Variants in VRK2 observed in about 807,000 individuals in gnomAD.
The protein encoded by VRK2 is VRK serine/threonine kinase 2, also known as serine/threonine-protein kinase VRK2.
In VRK2, 60 loss-of-function variants were observed where a neutral mutation model predicts 57.6. That is an observed-to-expected ratio of 1.04 (90% confidence interval 0.85 to 1.29). VRK2 has a LOEUF of 1.29. Ranked by LOEUF, VRK2 falls within the 50% of genes most tolerant of loss-of-function variation. The pLI is 0.00. For missense variants in VRK2, 705 were observed against 588.1 expected (o/e 1.20, Z -2.06); for synonymous variants, 231 against 199.2 (o/e 1.16, Z -1.35).
intron 2 of VRK2, among the ~76,000 whole-genome samples, chr2:58,067,302 C>T (rs1174447361): frequency 1.3e-5 from 2 of 152,092 alleles, no homozygotes; most frequent in African/African-American, 4.8e-5. Flanking sequence ...GAGACTTCAC[C>T]TTGTGATCAT....
chr2:58,011,668 T>C (rs188288067), intron 1 of VRK2, among the ~76,000 whole-genome samples: 99 of 152,204 alleles, frequency 6.5e-4, no homozygotes, highest in African/African-American at 2.3e-3. Flanking sequence ...TTATATTTTA[T>C]TTTGTAAATT....
chr2:58,139,454 T>C (rs963575751), intron 10 of VRK2, among the ~76,000 whole-genome samples: 1 of 152,116 alleles, frequency 6.6e-6, no homozygotes, highest in Non-Finnish European at 1.5e-5. Context: ...TTAAAAACAT[T>C]ACTAGTTTGT....
chr2:57,979,279 C>A (rs1672343850), intron 1 of VRK2, among the ~76,000 whole-genome samples: 1 of 151,106 alleles, frequency 6.6e-6, no homozygotes. Context: ...TACATTCCCA[C>A]CAACAGTGTA....
intron 2 of VRK2, among the ~76,000 whole-genome samples, chr2:58,075,837 C>T (rs1670025358): frequency 7.7e-6 from 1 of 130,544 alleles, no homozygotes; most frequent in Non-Finnish European, 1.8e-5. Context: ...CTGATATTCA[C>T]TGTGAGAACA....
chr2:58,040,269 C>T (rs1162748544), intron 3 of VRK2, among the ~76,000 whole-genome samples: 1 of 152,002 alleles, frequency 6.6e-6, no homozygotes. Flanking sequence ...AGTGTATTTG[C>T]CTGAAATAAC....
chr2:57,986,412 CA>C (rs1672595002), intron 1 of VRK2, among the ~76,000 whole-genome samples: 1 of 151,872 alleles, frequency 6.6e-6, no homozygotes, highest in Non-Finnish European at 1.5e-5. Context: ...TTATAGAAAT[CA>C]GCACACTAAT....
At chr2:57,955,408 T>A (rs970116206) in intron 1 of VRK2, among the ~76,000 whole-genome samples, 4 of 152,134 alleles carry the variant, frequency 2.6e-5, no homozygotes, top group Non-Finnish European at 4.4e-5. Context: ...ATCCCACTGA[T>A]AATGATAGCA....
At chr2:58,011,800 A>C (rs1673426106) in intron 1 of VRK2, among the ~76,000 whole-genome samples, 1 of 152,230 alleles carries the variant, frequency 6.6e-6, no homozygotes, top group Admixed American at 6.5e-5. Context: ...GCCACAGTTT[A>C]TGCTATTATC....
chr2:58,009,371 T>A (rs1673350302), intron 1 of VRK2, among the ~76,000 whole-genome samples: 1 of 151,900 alleles, frequency 6.6e-6, no homozygotes, highest in Admixed American at 6.6e-5. Flanking sequence ...TGGAGCCTCT[T>A]CTACTTTCTT....
At chr2:58,084,047 G>A in intron 2 of VRK2, 42 bp from the exon 3 acceptor site, 7 of 1,595,892 alleles carry the variant, frequency 4.4e-6, no homozygotes, top group Non-Finnish European at 5.1e-6. Context: ...CAGTAATTGG[G>A]AATAACTATT....
At chr2:57,921,300 A>ACACACACT (rs1670339143) in intron 1 of VRK2, among the ~76,000 whole-genome samples, 1 of 151,600 alleles carries the variant, frequency 6.6e-6, no homozygotes, top group African/African-American at 2.4e-5. Context: ...ACACACACAC[A>ACACACACT]CACACACACA....
rs544795225 is a variant in VRK2 at position 58,024,394 on chromosome 2, AG to A, written c.-438-1270del. Among the ~76,000 whole-genome samples the A allele has an allele frequency of 2.0e-3, 305 of 152,258 alleles. 1 individual carries two copies. Among genetic ancestry groups the A allele is most frequent in the Non-Finnish European group, 3.5e-3 (238 of 68,008 alleles). ...AATAAATAAATAAGGAATTAATAGAAGTTTTTTTGGGGGGGTGCTATTACAT... is the reference window on the plus strand; with the variant it reads ...AATAAATAAATAAGGAATTAATAGAATTTTTTTGGGGGGGTGCTATTACAT... On this transcript the variant is annotated intron_variant, in intron 1 of 15. Coordinates refer to the VRK2 transcript ENST00000417641.
intron 8 of VRK2, 35 bp downstream of exon 8, chr2:58,123,268 C>G (rs746591976): frequency 5.7e-6 from 9 of 1,569,002 alleles, no homozygotes; most frequent in Non-Finnish European, 7.7e-6. Context: ...ATTTTTATTT[C>G]AGAAGAATGA....
chr2:58,065,494 A>G (rs1668481661), intron 2 of VRK2, among the ~76,000 whole-genome samples: 1 of 152,108 alleles, frequency 6.6e-6, no homozygotes, highest in Admixed American at 6.6e-5. Context: ...TGTTGTATGA[A>G]TGTATCACAG....
chr2:58,120,704 C>A (rs1027095670), intron 7 of VRK2, among the ~76,000 whole-genome samples: 2 of 152,152 alleles, frequency 1.3e-5, no homozygotes, highest in African/African-American at 4.8e-5. Context: ...ATTAAAAATT[C>A]TTTTCTTTCC....
intron 1 of VRK2, among the ~76,000 whole-genome samples, chr2:57,920,407 C>T (rs1030924690): frequency 2.0e-5 from 3 of 152,048 alleles, no homozygotes; most frequent in Admixed American, 6.6e-5. Context: ...CATATCCTCA[C>T]GATCAATTGA....
intron 2 of VRK2, among the ~76,000 whole-genome samples, chr2:58,070,470 T>G (rs1669226609): frequency 6.6e-6 from 1 of 152,156 alleles, no homozygotes; most frequent in African/African-American, 2.4e-5. Flanking sequence ...TGTTTATTCG[T>G]CTTCCTCCCT....
At chr2:58,036,580 T>G (rs575085508) in intron 3 of VRK2, among the ~76,000 whole-genome samples, 1 of 152,168 alleles carries the variant, frequency 6.6e-6, no homozygotes, top group Admixed American at 6.5e-5. Flanking sequence ...TCCACAACTT[T>G]TCTATGTTCA....
intron 11 of VRK2, among the ~76,000 whole-genome samples, chr2:58,140,146 G>T (rs1160333828): frequency 6.6e-6 from 1 of 151,944 alleles, no homozygotes; most frequent in Non-Finnish European, 1.5e-5. Context: ...TTTTCTCCAG[G>T]TTTTCTTTAG....
Sources: gnomAD v4.1 joint callset for allele counts (sites outside exome capture counted in the v4.1 genomes callset) on GRCh38, gnomAD v4.1.1 for gene constraint, MANE v1.5 for transcripts, NCBI Gene and HGNC (gene_info 2026-07-23, HGNC 2026-07-21) for gene names.